Variants in TTC39C observed in about 807,000 individuals in gnomAD.
The protein encoded by TTC39C is tetratricopeptide repeat protein 39C.
TTC39C carries 33 observed loss-of-function variants against 76.3 expected under a neutral mutation model. The observed-to-expected ratio is 0.43, with a 90% CI of 0.33 to 0.58. The LOEUF is 0.58. Ranked by LOEUF, TTC39C falls within the 20% of genes least tolerant of loss-of-function variation. The pLI is 0.04. For missense variants in TTC39C, 595 were observed against 701.4 expected (o/e 0.85, Z 1.71); for synonymous variants, 254 against 260.6 (o/e 0.97, Z 0.24).
chr18:24,102,546 T>G (rs1435823088), intron 6 of TTC39C, among the ~76,000 whole-genome samples: 2 of 152,112 alleles, frequency 1.3e-5, no homozygotes, highest in East Asian at 3.9e-4. Context: ...TGGAGACGAC[T>G]GGAGAGGTGG....
intron 1 of TTC39C, among the ~76,000 whole-genome samples, chr18:24,026,499 C>T (rs192773446): frequency 6.6e-6 from 1 of 152,260 alleles, no homozygotes; most frequent in Admixed American, 6.5e-5. Context: ...AAAGGAAAGC[C>T]ACATAATGTA....
chr18:24,014,462 A>T (rs1471098998), upstream of TTC39C: 1 of 156,916 alleles, frequency 6.4e-6, no homozygotes, highest in African/African-American at 2.4e-5. Flanking sequence ...CGGTGGGCGA[A>T]GGCGCGGCTT....
intron 1 of TTC39C, among the ~76,000 whole-genome samples, chr18:24,045,699 G>A (rs1244246742): frequency 6.6e-6 from 1 of 151,198 alleles, no homozygotes; most frequent in Non-Finnish European, 1.5e-5. Flanking sequence ...ATTATATATT[G>A]GTGTTTTAAA....
chr18:24,107,794 G>C (rs1599332523), intron 6 of TTC39C, among the ~76,000 whole-genome samples: 1 of 151,918 alleles, frequency 6.6e-6, no homozygotes, highest in Non-Finnish European at 1.5e-5. Flanking sequence ...GTCTCCCTCT[G>C]CCACCCAGGC....
chr18:24,076,272 G>A (rs1260948180), intron 4 of TTC39C, among the ~76,000 whole-genome samples: 1 of 152,154 alleles, frequency 6.6e-6, no homozygotes, highest in Admixed American at 6.5e-5. Flanking sequence ...GAGCCACCGC[G>A]CCCGGCCTGC....
At chr18:24,108,370 T>G (rs943956790) in intron 6 of TTC39C, among the ~76,000 whole-genome samples, 1 of 152,192 alleles carries the variant, frequency 6.6e-6, no homozygotes, top group Non-Finnish European at 1.5e-5. Context: ...TGACATCCCT[T>G]TGGCAATATA....
At chr18:24,048,874 A>G (rs1350380653) in intron 1 of TTC39C, among the ~76,000 whole-genome samples, 1 of 152,232 alleles carries the variant, frequency 6.6e-6, no homozygotes, top group Non-Finnish European at 1.5e-5. Flanking sequence ...GTTATTTTCC[A>G]TTGTAGAAAT....
chr18:24,045,233 C>T (rs1288191505), intron 1 of TTC39C, among the ~76,000 whole-genome samples: 2 of 137,662 alleles, frequency 1.5e-5, no homozygotes, highest in Admixed American at 8.2e-5. Context: ...CATGCCACTG[C>T]ACTCCAGCCT....
rs534275353 is a variant in TTC39C at position 24,114,088 on chromosome 18, T to G, written c.985-466T>G. On this transcript the variant is annotated intron_variant, in intron 6 of 13. Transcript: ENST00000317571. The stretch of plus-strand genomic sequence containing the variant: ...GATTGAGAGACTTCTGGGCCAGGGC[T>G]GGGCGCACACGGGGATGAAATATGG... 4.1e-5 allele frequency: 11 copies of G among 270,922 alleles called. No individual in the cohort carries two copies. In the South Asian group the frequency reaches 4.2e-4, roughly 10 times the overall value. 16.8% of individuals were successfully genotyped at this position (270,922 alleles called of 1,614,324 possible). A position where few individuals can be genotyped will look rare whatever the true frequency, so the allele number is the denominator to read the frequency against.
chr18:24,058,826 G>A (rs8083181), intron 1 of TTC39C, among the ~76,000 whole-genome samples: 142,912 of 152,268 alleles, frequency 0.94, 67,656 homozygotes, highest in East Asian at 1. Flanking sequence ...TGATGAGTAT[G>A]GTGGTATCTC....
upstream of TTC39C, among the ~76,000 whole-genome samples, chr18:24,012,407 G>T (rs549326325): frequency 2.0e-5 from 3 of 152,098 alleles, no homozygotes; most frequent in African/African-American, 7.2e-5. Flanking sequence ...TCTGCACAAC[G>T]GACTGTGTGA....
intron 1 of TTC39C, among the ~76,000 whole-genome samples, chr18:24,039,925 AG>A (rs1825819356): frequency 6.6e-6 from 1 of 152,196 alleles, no homozygotes; most frequent in East Asian, 1.9e-4. Context: ...TCAGAGCAAG[AG>A]AGGGAATACA....
chr18:24,027,251 C>T (rs1182652163), intron 1 of TTC39C, among the ~76,000 whole-genome samples: 2 of 151,838 alleles, frequency 1.3e-5, no homozygotes, highest in Admixed American at 6.6e-5. Flanking sequence ...GAGATCGCGC[C>T]ACTGTGCGAG....
intron 1 of TTC39C, among the ~76,000 whole-genome samples, chr18:24,002,915 C>T (rs1216366191): frequency 2.0e-5 from 3 of 152,202 alleles, no homozygotes; most frequent in Non-Finnish European, 2.9e-5. Context: ...CTGCAATTGC[C>T]TTCCATAAGT....
In TTC39C at chr18:24,125,554, A is replaced by C. The variant is rs1268673773; in HGVS notation, c.1420+4A>C. ...AACCTGCAGAGGATGAGTCAAGGTA[A>C]AAAATTTAAAAAAACCCAAAACTGT... On this transcript the variant is annotated splice_donor_region_variant and intron_variant, in intron 10 of 13. Coordinates refer to ENST00000317571, the MANE Select transcript of TTC39C (RefSeq NM_001135993.2). The C allele has an allele frequency of 6.2e-7, 1 of 1,614,030 alleles. No homozygotes were observed. Among genetic ancestry groups the C allele is most frequent in the Non-Finnish European group, 8.5e-7 (1 of 1,179,970 alleles).
chr18:24,052,640 A>AT (rs1458246655), intron 1 of TTC39C, among the ~76,000 whole-genome samples: 3 of 152,228 alleles, frequency 2.0e-5, no homozygotes, highest in Non-Finnish European at 4.4e-5. Flanking sequence ...TAAATTATTT[A>AT]TTAGACGATG....
At chr18:24,077,997 T>C (rs1488366007) in intron 4 of TTC39C, among the ~76,000 whole-genome samples, 2 of 152,262 alleles carry the variant, frequency 1.3e-5, no homozygotes, top group African/African-American at 4.8e-5. Context: ...ATCTCTGTCT[T>C]ATTTCACTTC....
chr18:24,085,123 A>T (rs1444033354), intron 6 of TTC39C, among the ~76,000 whole-genome samples: 1 of 152,216 alleles, frequency 6.6e-6, no homozygotes, highest in East Asian at 1.9e-4. Context: ...GGGAAAGTAA[A>T]TTCATGGTGA....
intron 1 of TTC39C, among the ~76,000 whole-genome samples, chr18:24,027,207 G>C (rs1331382540): frequency 3.3e-5 from 5 of 151,916 alleles, no homozygotes; most frequent in Non-Finnish European, 7.4e-5. Flanking sequence ...CAGGAGAATC[G>C]CTTGAACCCG....
Sources: allele counts gnomAD v4.1 joint callset (sites outside exome capture counted in the v4.1 genomes callset), GRCh38; gene constraint gnomAD v4.1.1; transcripts MANE v1.5; gene names NCBI Gene and HGNC (gene_info 2026-07-23, HGNC 2026-07-21).